MDGA2: variants seen among roughly 807,000 people sequenced by gnomAD.
MDGA2 encodes MAM domain containing glycosylphosphatidylinositol anchor 2.
Under a neutral mutation model 117.8 loss-of-function variants are expected in MDGA2, and 40 were observed. That is an observed-to-expected ratio of 0.34 (90% confidence interval 0.26 to 0.44). The LOEUF (loss-of-function observed/expected upper bound fraction) is 0.44. Among genes scored for constraint, MDGA2 ranks in the 20% least tolerant of loss-of-function variants. The pLI, the probability that MDGA2 is intolerant of heterozygous loss-of-function variation, is 1.00. For synonymous variants in MDGA2, 452 were observed against 439.0 expected (o/e 1.03, Z -0.37); for missense variants, 1,123 against 1,250.6 (o/e 0.90, Z 1.54).
chr14:47,139,889 T>C (rs1244328430), intron 4 of MDGA2, among the ~76,000 whole-genome samples: 6 of 147,780 alleles, frequency 4.1e-5, no homozygotes, highest in Non-Finnish European at 6.0e-5. Context: ...CACACATATA[T>C]ATATATATAT....
At chr14:47,242,657 G>C (rs1057117278) in intron 2 of MDGA2, among the ~76,000 whole-genome samples, 1 of 151,780 alleles carries the variant, frequency 6.6e-6, no homozygotes, top group Non-Finnish European at 1.5e-5. Context: ...TCGATTTCTC[G>C]CTGGGCCTTG....
intron 10 of MDGA2, among the ~76,000 whole-genome samples, chr14:46,908,098 T>A (rs1014038179): frequency 1.1e-4 from 17 of 152,110 alleles, no homozygotes; most frequent in African/African-American, 4.1e-4. Context: ...AAAACCAAAA[T>A]GATCCTTAAA....
At chr14:47,554,747 TAC>T (rs1376900677) in intron 1 of MDGA2, among the ~76,000 whole-genome samples, 12 of 152,306 alleles carry the variant, frequency 7.9e-5, no homozygotes, top group Non-Finnish European at 1.8e-4. Flanking sequence ...TACATTCAAA[TAC>T]AGAGTCTTAG....
At chr14:47,343,876 C>A (rs1290665266) in intron 1 of MDGA2, among the ~76,000 whole-genome samples, 2 of 151,776 alleles carry the variant, frequency 1.3e-5, no homozygotes, top group Admixed American at 1.3e-4. Context: ...AATAAAATAG[C>A]CATATGTCCC....
intron 2 of MDGA2, among the ~76,000 whole-genome samples, chr14:47,274,978 A>C (rs1388585665): frequency 6.6e-6 from 1 of 152,162 alleles, no homozygotes; most frequent in Non-Finnish European, 1.5e-5. Context: ...GATCAGATAT[A>C]TGATTTACAA....
chr14:47,068,927 G>C (rs989483328), intron 6 of MDGA2, among the ~76,000 whole-genome samples: 5 of 151,984 alleles, frequency 3.3e-5, no homozygotes, highest in African/African-American at 1.2e-4. Flanking sequence ...CCTTTCCAAA[G>C]TGATTCTGCC....
chr14:47,395,814 A>AT (rs1891995495), intron 1 of MDGA2, among the ~76,000 whole-genome samples: 1 of 152,302 alleles, frequency 6.6e-6, no homozygotes, highest in African/African-American at 2.4e-5. Flanking sequence ...TAAAAACAGT[A>AT]TAGTCACCAT....
intron 2 of MDGA2, among the ~76,000 whole-genome samples, chr14:47,267,529 G>A (rs958897042): frequency 3.3e-5 from 5 of 151,436 alleles, no homozygotes; most frequent in Non-Finnish European, 7.4e-5. Context: ...AATTTCTCAG[G>A]TCACGAATGG....
intron 10 of MDGA2, among the ~76,000 whole-genome samples, chr14:46,900,988 A>G (rs1883261867): frequency 6.6e-6 from 1 of 152,122 alleles, no homozygotes; most frequent in Admixed American, 6.6e-5. Context: ...CTTCCTGTGA[A>G]TCTGTAATTA....
intron 1 of MDGA2, among the ~76,000 whole-genome samples, chr14:47,360,370 T>TA (rs767338779): frequency 7.5e-6 from 1 of 132,906 alleles, no homozygotes; most frequent in Non-Finnish European, 1.6e-5. Context: ...AATAAATAAA[T>TA]AAATAAATAA....
intron 1 of MDGA2, among the ~76,000 whole-genome samples, chr14:47,406,886 A>G (rs1892271335): frequency 6.6e-6 from 1 of 152,084 alleles, no homozygotes; most frequent in African/African-American, 2.4e-5. Context: ...CTGTTTGACA[A>G]TTTGATGTTT....
In MDGA2 at chr14:47,205,180, A is replaced by G. The variant is rs561982493; in HGVS notation, c.595+12841T>C. Among the ~76,000 whole-genome samples, 66 of 151,966 alleles carry G rather than the reference A, an allele frequency of 4.3e-4. 1 individual carries two copies. The highest frequency in any genetic ancestry group is 1.5e-3 in the African/African-American group (63 of 41,508). On this transcript the variant is annotated intron_variant, in intron 3 of 16. Coordinates refer to ENST00000399232, the MANE Select transcript of MDGA2 (RefSeq NM_001113498.3). ...TATGTATGCATATATATGTAGCCCCATTCTCCCTGTCAGAAAAATATCTCC... is the reference window on the plus strand; with the variant it reads ...TATGTATGCATATATATGTAGCCCCGTTCTCCCTGTCAGAAAAATATCTCC...
intron 1 of MDGA2, among the ~76,000 whole-genome samples, chr14:47,365,084 C>G (rs893630573): frequency 1.3e-5 from 2 of 152,186 alleles, no homozygotes; most frequent in Non-Finnish European, 2.9e-5. Context: ...GTTTTCTACA[C>G]CCTTCAATGG....
intron 1 of MDGA2, among the ~76,000 whole-genome samples, chr14:47,485,888 G>C (rs181139677): frequency 1.3e-5 from 2 of 152,336 alleles, no homozygotes; most frequent in East Asian, 3.9e-4. Flanking sequence ...AAAATCCCTG[G>C]ATGTCCAGGC....
chr14:47,181,261 G>A (rs1028433297), intron 3 of MDGA2, among the ~76,000 whole-genome samples: 4 of 152,060 alleles, frequency 2.6e-5, no homozygotes, highest in Admixed American at 2.6e-4. Flanking sequence ...AGACCCTGGT[G>A]TGTGATGTTC....
chr14:47,310,863 A>T (rs1889611418), intron 1 of MDGA2, among the ~76,000 whole-genome samples: 1 of 152,160 alleles, frequency 6.6e-6, no homozygotes, highest in Admixed American at 6.6e-5. Flanking sequence ...GAATATAGTA[A>T]AAGTGGGAGA....
chr14:47,261,711 G>A (rs539654539), intron 2 of MDGA2, among the ~76,000 whole-genome samples: 1 of 152,094 alleles, frequency 6.6e-6, no homozygotes, highest in African/African-American at 2.4e-5. Flanking sequence ...TGTTGCATAT[G>A]TTTAAGTGTC....
chr14:47,182,486 C>A (rs1490168263), intron 3 of MDGA2, among the ~76,000 whole-genome samples: 2 of 151,998 alleles, frequency 1.3e-5, no homozygotes, highest in African/African-American at 4.8e-5. Context: ...AGTGGAAAGG[C>A]CAGCAGAAGA....
At chr14:47,663,765 T>A (rs1311740991) in intron 1 of MDGA2, among the ~76,000 whole-genome samples, 1 of 152,216 alleles carries the variant, frequency 6.6e-6, no homozygotes, top group Non-Finnish European at 1.5e-5. Flanking sequence ...CATTTTCTGT[T>A]TTTATGTATT....
Sources: gnomAD v4.1 joint callset for allele counts (sites outside exome capture counted in the v4.1 genomes callset) on GRCh38, gnomAD v4.1.1 for gene constraint, MANE v1.5 for transcripts, NCBI Gene and HGNC (gene_info 2026-07-23, HGNC 2026-07-21) for gene names.